NELL1: variants seen among roughly 807,000 people sequenced by gnomAD.
NELL1 encodes the protein protein kinase C-binding protein NELL1.
NELL1 carries 76 observed loss-of-function variants against 107.4 expected under a neutral mutation model. The observed-to-expected ratio is 0.71, with a 90% CI of 0.59 to 0.86. NELL1 has a LOEUF of 0.86. Among genes scored for constraint, NELL1 ranks in the 40% least tolerant of loss-of-function variants. The pLI, the probability that NELL1 is intolerant of heterozygous loss-of-function variation, is 0.00. For synonymous variants in NELL1, 353 were observed against 341.2 expected (o/e 1.03, Z -0.38); for missense variants, 1,024 against 1,005.5 (o/e 1.02, Z -0.25).
At chr11:20,870,618 G>A (rs997304105) in intron 4 of NELL1, among the ~76,000 whole-genome samples, 1 of 152,086 alleles carries the variant, frequency 6.6e-6, no homozygotes, top group Admixed American at 6.6e-5. Flanking sequence ...AAAGGATTTG[G>A]AACTTCATCA....
intron 14 of NELL1, among the ~76,000 whole-genome samples, chr11:21,230,813 A>ATT (rs11448480): frequency 5.9e-5 from 9 of 151,516 alleles, no homozygotes; most frequent in South Asian, 4.2e-4. Context: ...GGTAAAACTC[A>ATT]TTTTTTTTTA....
At chr11:20,861,089 T>C (rs2134073486) in intron 4 of NELL1, among the ~76,000 whole-genome samples, 1 of 152,308 alleles carries the variant, frequency 6.6e-6, no homozygotes, top group African/African-American at 2.4e-5. Context: ...AGTGTGAAGA[T>C]CAATGGATGT....
chr11:20,723,949 C>T (rs1295401879), intron 2 of NELL1, among the ~76,000 whole-genome samples: 15 of 152,236 alleles, frequency 9.9e-5, no homozygotes, highest in Non-Finnish European at 2.2e-4. Flanking sequence ...GGCTTGCACC[C>T]TCTGAGGCCA....
intron 12 of NELL1, among the ~76,000 whole-genome samples, chr11:21,056,584 T>A (rs975689501): frequency 6.6e-6 from 1 of 152,180 alleles, no homozygotes; most frequent in Non-Finnish European, 1.5e-5. Flanking sequence ...AAATCTACCT[T>A]TTAAAGGAAC....
chr11:20,827,745 C>A (rs941598893), intron 3 of NELL1, among the ~76,000 whole-genome samples: 3 of 151,258 alleles, frequency 2.0e-5, no homozygotes, highest in African/African-American at 7.3e-5. Flanking sequence ...TGAGTCCTAG[C>A]TCTGTGCCAA....
chr11:21,490,458 CA>C (rs66826369), intron 15 of NELL1, among the ~76,000 whole-genome samples: 32,399 of 108,924 alleles, frequency 0.3, 3,680 homozygotes, highest in Admixed American at 0.35. Context: ...TGTATGGAAC[CA>C]AAAAAAAAAA....
At chr11:20,805,149 G>A (rs956050741) in intron 3 of NELL1, among the ~76,000 whole-genome samples, 2 of 151,848 alleles carry the variant, frequency 1.3e-5, no homozygotes, top group African/African-American at 4.8e-5. Context: ...TTTATTTTCA[G>A]TCTATGTGTG....
intron 14 of NELL1, among the ~76,000 whole-genome samples, chr11:21,338,255 C>T (rs773603041): frequency 6.6e-6 from 1 of 152,164 alleles, no homozygotes; most frequent in Non-Finnish European, 1.5e-5. Flanking sequence ...TTGCTAAATG[C>T]AAATCAGAGC....
At chr11:21,181,704 T>C (rs1856830010) in intron 13 of NELL1, among the ~76,000 whole-genome samples, 1 of 151,990 alleles carries the variant, frequency 6.6e-6, no homozygotes, top group Non-Finnish European at 1.5e-5. Flanking sequence ...AACATTTCTT[T>C]TCTCTCTATT....
chr11:21,195,371 A>G (rs949690011), intron 13 of NELL1, among the ~76,000 whole-genome samples: 15 of 152,146 alleles, frequency 9.9e-5, no homozygotes, highest in Non-Finnish European at 1.8e-4. Flanking sequence ...TGGGGCAACC[A>G]CTATCAGAAA....
intron 13 of NELL1, among the ~76,000 whole-genome samples, chr11:21,141,389 C>T (rs999647428): frequency 6.6e-6 from 1 of 152,174 alleles, no homozygotes; most frequent in African/African-American, 2.4e-5. Flanking sequence ...CAATCACATA[C>T]AATGAATTGG....
chr11:21,427,358 G>A (rs953578252), intron 15 of NELL1, among the ~76,000 whole-genome samples: 2 of 152,174 alleles, frequency 1.3e-5, no homozygotes, highest in African/African-American at 4.8e-5. Flanking sequence ...GAGGACAGAT[G>A]CACTTCTAAC....
intron 15 of NELL1, among the ~76,000 whole-genome samples, chr11:21,432,872 A>C (rs1208002556): frequency 6.6e-6 from 1 of 152,186 alleles, no homozygotes; most frequent in Non-Finnish European, 1.5e-5. Flanking sequence ...AACATTCAAA[A>C]TTCTGTCTTC....
chr11:21,528,625 C>T lies in NELL1; in HGVS notation c.1646-5749C>T, dbSNP rs565248910. On this transcript the variant is annotated intron_variant, in intron 15 of 19. Transcript: ENST00000357134. Reference sequence around the variant, plus strand: ...CACCAGGATCATGAGCAAAATAAATCTTTTTTCTTCATAAATTACTCAATC... The same window carrying T: ...CACCAGGATCATGAGCAAAATAAATTTTTTTTCTTCATAAATTACTCAATC... Among the ~76,000 whole-genome samples the T allele has an allele frequency of 5.2e-4, 76 of 147,352 alleles. 1 individual carries two copies. The highest frequency in any genetic ancestry group is 1.9e-3 in the African/African-American group (75 of 40,176).
intron 14 of NELL1, among the ~76,000 whole-genome samples, chr11:21,283,113 A>G (rs946117593): frequency 3.3e-5 from 5 of 152,184 alleles, no homozygotes; most frequent in African/African-American, 1.2e-4. Context: ...ATTCACTAGC[A>G]CAACAGAGTG....
At chr11:21,410,438 A>G (rs1852347685) in intron 15 of NELL1, among the ~76,000 whole-genome samples, 1 of 151,874 alleles carries the variant, frequency 6.6e-6, no homozygotes, top group Non-Finnish European at 1.5e-5. Flanking sequence ...GAGAGAAGAG[A>G]AAAAGATGGA....
intron 2 of NELL1, among the ~76,000 whole-genome samples, chr11:20,762,919 G>A (rs1383015543): frequency 6.6e-6 from 1 of 152,086 alleles, no homozygotes; most frequent in South Asian, 2.1e-4. Context: ...AGCAGCACGG[G>A]GTTGAAGAAA....
intron 15 of NELL1, among the ~76,000 whole-genome samples, chr11:21,503,662 A>G (rs939796762): frequency 3.9e-5 from 6 of 152,162 alleles, no homozygotes; most frequent in African/African-American, 1.4e-4. Context: ...AATTATTTAC[A>G]TTGCTTCCCA....
At chr11:21,569,426 AC>A (rs1220485707) in intron 17 of NELL1, among the ~76,000 whole-genome samples, 1 of 151,714 alleles carries the variant, frequency 6.6e-6, no homozygotes, top group Non-Finnish European at 1.5e-5. Context: ...AATGCATGAC[AC>A]AAGATAAGTA....
Sources: allele counts gnomAD v4.1 joint callset (sites outside exome capture counted in the v4.1 genomes callset), GRCh38; gene constraint gnomAD v4.1.1; transcripts MANE v1.5; gene names NCBI Gene and HGNC (gene_info 2026-07-23, HGNC 2026-07-21).